IFT52: variants seen among roughly 807,000 people sequenced by gnomAD.
IFT52 encodes intraflagellar transport 52.
Under a neutral mutation model 54.4 loss-of-function variants are expected in IFT52, and 44 were observed. That is an observed-to-expected ratio of 0.81 (90% CI 0.63 to 1.04). The LOEUF (loss-of-function observed/expected upper bound fraction) is 1.04. Ranked by LOEUF, IFT52 falls within the 50% of genes least tolerant of loss-of-function variation. The pLI, the probability that IFT52 is intolerant of heterozygous loss-of-function variation, is 0.00. For synonymous variants in IFT52, 181 were observed against 185.3 expected (o/e 0.98, Z 0.19); for missense variants, 452 against 523.6 (o/e 0.86, Z 1.33).
rs544973619 is a variant in IFT52, at chr20:43,628,575, G to A, written c.923+4530G>A. On this transcript the variant is annotated intron_variant, in intron 10 of 13. Coordinates refer to ENST00000373030, the MANE Select transcript of IFT52 (RefSeq NM_016004.5). ...TCAGTTAAAAATTACCAAAGAAGCC[G>A]GACATGATGGCTCACGCCTGTAATC... is the stretch of plus-strand genomic sequence containing the variant. 7.2e-5 allele frequency among the ~76,000 whole-genome samples: 11 copies of A among 152,302 alleles called. No homozygotes were observed. In the South Asian group the frequency reaches 8.3e-4, roughly 11 times the overall value.
rs375555668 is a variant in IFT52, at chr20:43,624,707, G to A, written c.923+662G>A. ...AAAGCAGTTAAAAGTACAGGACAGCGGGCAGCATCCTGAAGGCAAAGGAGG... is the reference window on the plus strand; with the variant it reads ...AAAGCAGTTAAAAGTACAGGACAGCAGGCAGCATCCTGAAGGCAAAGGAGG... On this transcript the variant is annotated intron_variant, in intron 10 of 13. Transcript: ENST00000373030. Among the ~76,000 whole-genome samples, 31 of 152,206 alleles carry A rather than the reference G, an allele frequency of 2.0e-4. 1 individual carries two copies. The highest frequency in any genetic ancestry group is 1.2e-3 in the East Asian group (6 of 5,178).
In IFT52 at chr20:43,618,929, G is replaced by T. The variant is rs1984065927; in HGVS notation, c.613-11G>T. The stretch of plus-strand genomic sequence containing the variant: ...GGATTTGAGTATCTGACCCTGCTTT[G>T]TCATCAATAGAACCAAGGTGGGAAG... On this transcript the variant is annotated splice_polypyrimidine_tract_variant and intron_variant, in intron 7 of 13. Transcript: ENST00000373030. 6.2e-7 allele frequency: 1 copy of T among 1,602,484 alleles called. No individual in the cohort carries two copies.
intron 8 of IFT52, among the ~76,000 whole-genome samples, chr20:43,619,994 G>T (rs1984163111): frequency 7.7e-6 from 1 of 129,160 alleles, no homozygotes; most frequent in South Asian, 2.5e-4. Context: ...TCAGCTCACT[G>T]CAACCATCGC....
Position 43,623,927 on chromosome 20 carries a change from C to A in IFT52, c.805C>A (p.Leu269Ile). The A allele has an allele frequency of 6.2e-7, 1 of 1,614,142 alleles. No homozygotes were observed. The highest frequency in any genetic ancestry group is 8.5e-7 in the Non-Finnish European group (1 of 1,180,018). Residue 269 changes from leucine to isoleucine, a missense_variant, in exon 10 of 14, where the codon CTA becomes ATA. Transcript: ENST00000373030. ...CATGATGCTGCCCTACACAGCCACC[C>A]TATCAAAGCGGAATCGAGAGTGTCT... ...DYMMLPYTAT[L>I]SKRNRECLQE...
At chr20:43,644,372 C>T (rs139445113) in intron 13 of IFT52, among the ~76,000 whole-genome samples, 3,051 of 58,796 alleles carry the variant, frequency 0.052, 1,293 homozygotes, top group African/African-American at 0.11. Context: ...ATTCGGAATA[C>T]GTACAGATTT....
At chr20:43,591,961 T>G (rs1418317858) in intron 1 of IFT52, among the ~76,000 whole-genome samples, 7 of 152,222 alleles carry the variant, frequency 4.6e-5, no homozygotes, top group Admixed American at 4.6e-4. Context: ...TAAGAGCGAT[T>G]TATATATAGG....
At chr20:43,631,259 G>C (rs1007903345) in intron 10 of IFT52, among the ~76,000 whole-genome samples, 2 of 152,194 alleles carry the variant, frequency 1.3e-5, no homozygotes, top group African/African-American at 4.8e-5. Flanking sequence ...GATTAAATAA[G>C]TTTAAGTGCC....
At chr20:43,606,630 G>A (rs1005452506) in intron 6 of IFT52, among the ~76,000 whole-genome samples, 9 of 151,508 alleles carry the variant, frequency 5.9e-5, no homozygotes, top group South Asian at 4.2e-4. Context: ...GGTGTTTCTC[G>A]CAGAGGGGGA....
chr20:43,594,647 T>C (rs1981787135), intron 1 of IFT52, 46 bp from the exon 2 acceptor site: 2 of 1,053,282 alleles, frequency 1.9e-6, no homozygotes, highest in African/African-American at 3.1e-5. Context: ...TTAGGGTCTT[T>C]GGAATATTGT....
intron 6 of IFT52, among the ~76,000 whole-genome samples, chr20:43,607,973 C>G (rs1056681389): frequency 1.3e-5 from 2 of 152,166 alleles, no homozygotes; most frequent in African/African-American, 2.4e-5. Flanking sequence ...AGCGAAACCC[C>G]GTCTCCACCA....
At position 43,620,893 on chromosome 20, in the gene IFT52, C is replaced by T. The variant is rs956296240; in HGVS notation, c.736C>T (p.His246Tyr). The T allele has an allele frequency of 1.2e-6, 2 of 1,612,378 alleles. No individual in the cohort carries two copies. Among genetic ancestry groups the T allele is most frequent in the East Asian group, 2.2e-5 (1 of 44,852 alleles). ...CCAGTGGCTCACGACAGGAGACATC[C>T]ACCTAAACCAGATTGATGCTGAGGA... is the stretch of plus-strand genomic sequence containing the variant. ...VFQWLTTGDI[H>Y]LNQIDAEDPE... Residue 246 changes from histidine (H) to tyrosine (Y), a missense_variant, in exon 9 of 14, where the codon CAC becomes TAC. Transcript: ENST00000373030.
chr20:43,608,783 C>T (rs1414355036), intron 6 of IFT52, among the ~76,000 whole-genome samples: 1 of 152,100 alleles, frequency 6.6e-6, no homozygotes, highest in Non-Finnish European at 1.5e-5. Context: ...TGGCTCGCAC[C>T]TGTATTCCCA....
chr20:43,592,568 CTCA>C lies in IFT52; in HGVS notation c.-7+1515_-7+1517del, dbSNP rs1186859482. On this transcript the variant is annotated intron_variant, in intron 1 of 13. Coordinates refer to ENST00000373030, the MANE Select transcript of IFT52 (RefSeq NM_016004.5). ...CAGCTTAGGCCACAGAGCAGACTCT[CTCA>C]AAAAAAAAAAAAAATTACATCATGA... Among the ~76,000 whole-genome samples, 7 of 58,516 alleles carry C rather than the reference CTCA, an allele frequency of 1.2e-4. No individual in the cohort carries two copies. In the Admixed American group the frequency reaches 1.2e-3, roughly 10 times the overall value. The allele number at this position is 58,516 out of a possible 152,430, so 38.4% of individuals were successfully genotyped here.
chr20:43,641,141 G>A (rs1263804655), intron 12 of IFT52, among the ~76,000 whole-genome samples: 1 of 151,906 alleles, frequency 6.6e-6, no homozygotes, highest in African/African-American at 2.4e-5. Flanking sequence ...GCTTCACAGA[G>A]CTATGTTGTT....
At chr20:43,631,581 A>G (rs1008286251) in intron 10 of IFT52, among the ~76,000 whole-genome samples, 1 of 152,246 alleles carries the variant, frequency 6.6e-6, no homozygotes, top group Admixed American at 6.5e-5. Flanking sequence ...TTCCCCAGAA[A>G]AGTTTAGCCA....
intron 7 of IFT52, 117 bp downstream of exon 7, chr20:43,614,093 C>G: frequency 4.5e-6 from 4 of 885,022 alleles, no homozygotes; most frequent in Non-Finnish European, 3.5e-6. Flanking sequence ...CCTGCCAGTC[C>G]TGCAAAGTAG....
intron 3 of IFT52, among the ~76,000 whole-genome samples, chr20:43,603,261 A>C (rs1157079153): frequency 6.6e-6 from 1 of 152,176 alleles, no homozygotes; most frequent in Non-Finnish European, 1.5e-5. Context: ...CTTGAACAGA[A>C]TTCCTCCCAG....
intron 12 of IFT52, among the ~76,000 whole-genome samples, chr20:43,641,730 G>A (rs559165466): frequency 2.0e-5 from 3 of 151,686 alleles, no homozygotes; most frequent in East Asian, 1.9e-4. Flanking sequence ...TCCTGACCTC[G>A]TGATCCGCTC....
chr20:43,635,984 G>T lies in IFT52; in HGVS notation c.982G>T (p.Glu328Ter). ...ACTCCAGCTCATCCAGCCTCAGTTT[G>T]AGACGCCGCTGCCAACCCTTCAGCC... The part of the protein sequence containing the change: ...EPLQLIQPQF[E>*]TPLPTLQPAV... The change falls in exon 11 of 14, where the codon GAG (glutamate) becomes TAG (stop). Residue 328 changes from glutamate (E) to a stop codon, truncating the protein, a stop_gained. Coordinates refer to ENST00000373030, the MANE Select transcript of IFT52 (RefSeq NM_016004.5). LOFTEE classifies it high-confidence loss of function. The T allele has an allele frequency of 1.2e-6, 2 of 1,614,180 alleles. No individual in the cohort carries two copies. The highest frequency in any genetic ancestry group is 1.7e-6 in the Non-Finnish European group (2 of 1,180,030).
Sources: gnomAD v4.1 joint callset for allele counts (sites outside exome capture counted in the v4.1 genomes callset) on GRCh38, gnomAD v4.1.1 for gene constraint, MANE v1.5 for transcripts, NCBI Gene and HGNC (gene_info 2026-07-23, HGNC 2026-07-21) for gene names.